Variants in PPIL4 observed in about 807,000 individuals in gnomAD.
The protein encoded by PPIL4 is peptidylprolyl isomerase like 4.
In PPIL4, 50 loss-of-function variants were observed where a neutral mutation model predicts 69.1. That is an observed-to-expected ratio of 0.72 (90% CI 0.58 to 0.92). The LOEUF is 0.92. Ranked by LOEUF, PPIL4 falls within the 40% of genes least tolerant of loss-of-function variation. PPIL4 has a pLI of 0.00. For synonymous variants in PPIL4, 193 were observed against 191.6 expected (o/e 1.01, Z -0.06); for missense variants, 480 against 587.9 (o/e 0.82, Z 1.90).
At chr6:149,525,268 C>G (rs1399000265) in intron 8 of PPIL4, 59 bp from the exon 9 acceptor site, 1 of 852,126 alleles carries the variant, frequency 1.2e-6, no homozygotes, top group Non-Finnish European at 1.9e-6. Context: ...AGCATTCACT[C>G]TCACTCTTCA....
At chr6:149,541,687 G>GA (rs1012687014) in intron 1 of PPIL4, 101 bp from the exon 2 acceptor site, 450 of 659,316 alleles carry the variant, frequency 6.8e-4, no homozygotes, top group Middle Eastern at 8.6e-4. Context: ...ACTATTAAAA[G>GA]AAAAAAAAAG....
At position 149,541,362 on chromosome 6, in the gene PPIL4, C is replaced by A; in HGVS notation, c.203+5G>T. 1 of 1,237,876 alleles carries A rather than the reference C, an allele frequency of 8.1e-7. No homozygotes were observed. Among genetic ancestry groups the A allele is most frequent in the African/African-American group, 1.7e-5 (1 of 60,564 alleles). 76.7% of individuals were successfully genotyped at this position (1,237,876 alleles called of 1,614,324 possible). On this transcript the variant is annotated splice_donor_5th_base_variant and intron_variant, in intron 3 of 12. Coordinates refer to ENST00000253329, the MANE Select transcript of PPIL4 (RefSeq NM_139126.4). ...ATAAATAAATAAATAAATAAAACAACTTACCCAAAGATAGACTCTCCTCCA... is the reference window on the plus strand; with the variant it reads ...ATAAATAAATAAATAAATAAAACAAATTACCCAAAGATAGACTCTCCTCCA...
intron 11 of PPIL4, among the ~76,000 whole-genome samples, chr6:149,515,851 G>A (rs1776935519): frequency 6.6e-6 from 1 of 151,990 alleles, no homozygotes; most frequent in Admixed American, 6.6e-5. Flanking sequence ...GGTCTAGTTG[G>A]GCCAAGTTAT....
intron 7 of PPIL4, among the ~76,000 whole-genome samples, chr6:149,530,213 G>C (rs1337598934): frequency 6.6e-6 from 1 of 152,166 alleles, no homozygotes; most frequent in African/African-American, 2.4e-5. Context: ...ATGCAAGACT[G>C]GGGGAAAGAG....
At chr6:149,542,687 A>G (rs1354632129) in intron 1 of PPIL4, among the ~76,000 whole-genome samples, 1 of 152,244 alleles carries the variant, frequency 6.6e-6, no homozygotes, top group Admixed American at 6.5e-5. Flanking sequence ...CAAGAGTTCA[A>G]AAGATTGTTT....
chr6:149,509,528 G>A (rs925163646), intron 12 of PPIL4, among the ~76,000 whole-genome samples: 22 of 152,190 alleles, frequency 1.4e-4, no homozygotes, highest in African/African-American at 5.1e-4. Flanking sequence ...ACATTCACAG[G>A]AATGTGATAC....
intron 4 of PPIL4, among the ~76,000 whole-genome samples, chr6:149,538,196 G>C (rs1473514338): frequency 1.3e-5 from 2 of 151,948 alleles, no homozygotes; most frequent in Admixed American, 6.6e-5. Flanking sequence ...AACCCAGGAG[G>C]CAGAGGTTGC....
rs182656820 is a variant in PPIL4 at position 149,505,608 on chromosome 6, T to C, written c.1324A>G (p.Ser442Gly). The C allele has an allele frequency of 6.2e-7, 1 of 1,614,184 alleles. No homozygotes were observed. Among genetic ancestry groups the C allele is most frequent in the African/African-American group, 1.3e-5 (1 of 75,056 alleles). ...TCCCTCTCTCGAGATCGGCTACGAC[T>C]TCGGTTCTGAGTTCGGTCTCTCTTT... ...SEKRDRTQNR[S>G]RSRSRERDGH... The change falls in exon 13 of 13, where the codon AGT (serine) becomes GGT (glycine). Residue 442 changes from serine (S) to glycine (G), a missense_variant. Coordinates refer to ENST00000253329, the MANE Select transcript of PPIL4 (RefSeq NM_139126.4).
chr6:149,517,528 A>AT (rs781635605), intron 10 of PPIL4, 78 bp from the exon 11 acceptor site: 48 of 657,750 alleles, frequency 7.3e-5, no homozygotes, highest in Non-Finnish European at 1.0e-4. Context: ...TATAAAAAGC[A>AT]TAAGAGCTAT....
intron 4 of PPIL4, among the ~76,000 whole-genome samples, chr6:149,539,094 C>A (rs949767455): frequency 1.3e-5 from 2 of 152,204 alleles, no homozygotes; most frequent in Admixed American, 6.5e-5. Flanking sequence ...TGATCCGCCC[C>A]CCTCAGCCTC....
chr6:149,523,539 A>G (rs995695684), intron 9 of PPIL4, among the ~76,000 whole-genome samples: 4 of 152,164 alleles, frequency 2.6e-5, no homozygotes, highest in African/African-American at 9.7e-5. Flanking sequence ...AAAAATTCAA[A>G]AATGAGCCAG....
intron 7 of PPIL4, 26 bp from the exon 8 acceptor site, chr6:149,526,802 A>G (rs565198864): frequency 1.2e-6 from 2 of 1,605,752 alleles, no homozygotes; most frequent in South Asian, 2.2e-5. Context: ...ACAAAAACAT[A>G]AATCAATTCC....
intron 7 of PPIL4, among the ~76,000 whole-genome samples, chr6:149,529,641 T>C (rs1777161805): frequency 6.6e-6 from 1 of 151,288 alleles, no homozygotes; most frequent in Admixed American, 6.6e-5. Flanking sequence ...CACGTGCCTG[T>C]AGTCCCAGCT....
chr6:149,543,032 T>C (rs569728121), intron 1 of PPIL4, among the ~76,000 whole-genome samples: 2 of 152,276 alleles, frequency 1.3e-5, no homozygotes, highest in East Asian at 1.9e-4. Context: ...ACAAAAATAA[T>C]GAATTTAGGC....
chr6:149,520,234 T>C (rs1252749386), intron 10 of PPIL4, among the ~76,000 whole-genome samples: 3 of 152,190 alleles, frequency 2.0e-5, no homozygotes, highest in Admixed American at 6.5e-5. Context: ...TATATATATA[T>C]ATGCACATAT....
Position 149,546,006 on chromosome 6 carries a change from G to A in PPIL4, c.-1C>T, listed in dbSNP as rs772741866. On this transcript the variant is annotated 5_prime_UTR_variant, in exon 1 of 13. Coordinates refer to ENST00000253329, the MANE Select transcript of PPIL4 (RefSeq NM_139126.4). Reference sequence around the variant, plus strand: ...AAGTGGTCTCCAGTAGAACCGCCATGGCGCCCGCTCCTCCTCCGCTACAAA... The same window carrying A: ...AAGTGGTCTCCAGTAGAACCGCCATAGCGCCCGCTCCTCCTCCGCTACAAA... The A allele has an allele frequency of 5.1e-6, 8 of 1,575,776 alleles. No individual in the cohort carries two copies. The highest frequency in any genetic ancestry group is 1.7e-4 in the Middle Eastern group (1 of 6,036).
chr6:149,505,642 T>C lies in PPIL4; in HGVS notation c.1290A>G (p.Gln430=). 1.9e-6 allele frequency: 3 copies of C among 1,614,138 alleles called. No homozygotes were observed. Among genetic ancestry groups the C allele is most frequent in the Non-Finnish European group, 2.5e-6 (3 of 1,179,996 alleles). ...YEEEESCWEK[Q]KSEKRDRTQN... ...GAGTTCGGTCTCTCTTTTCACTCTT[T>C]TGTTTCTCCCAACAGCTTTCTTCTT... The change falls in exon 13 of 13, where the codon CAA becomes CAG. Residue 430 remains glutamine (Q), a synonymous_variant. Transcript: ENST00000253329.
In PPIL4 at chr6:149,517,393, G is replaced by A. The variant is rs780943934; in HGVS notation, c.1040C>T (p.Pro347Leu). The A allele has an allele frequency of 6.2e-7, 1 of 1,607,208 alleles. No homozygotes were observed. The highest frequency in any genetic ancestry group is 1.1e-5 in the South Asian group (1 of 90,820). The change falls in exon 11 of 13, where the codon CCT becomes CTT. Residue 347 changes from proline (P) to leucine (L), a missense_variant. Pro to Leu is a moderately conservative substitution (Grantham distance 98). Coordinates refer to ENST00000253329, the MANE Select transcript of PPIL4 (RefSeq NM_139126.4). ...TACTTTATCTTTCAGAACCAAATTA[G>A]GTGGTTTATCCTGTTCTTTTTCATA... is the stretch of plus-strand genomic sequence containing the variant. ...KEYEKEQDKPPNLVLKDKVKP... is the reference protein window; with the variant it reads ...KEYEKEQDKPLNLVLKDKVKP...
At chr6:149,541,706 C>A (rs1777365704) in intron 1 of PPIL4, 120 bp from the exon 2 acceptor site, 1 of 610,598 alleles carries the variant, frequency 1.6e-6, no homozygotes, top group Non-Finnish European at 2.9e-6. Context: ...AGTCAAATGT[C>A]CAAAGCTATA....
Sources: allele counts gnomAD v4.1 joint callset (sites outside exome capture counted in the v4.1 genomes callset), GRCh38; gene constraint gnomAD v4.1.1; transcripts MANE v1.5; gene names NCBI Gene and HGNC (gene_info 2026-07-23, HGNC 2026-07-21).